Variants in CALCRL observed in about 807,000 individuals in gnomAD.
CALCRL encodes calcitonin receptor like receptor.
A neutral mutation model predicts 60.4 loss-of-function variants in CALCRL; 27 were observed. The ratio of observed to expected loss-of-function variants is 0.45; its 90% CI spans 0.33 to 0.62. The LOEUF (loss-of-function observed/expected upper bound fraction) is 0.62. Among genes scored for constraint, CALCRL ranks in the 20% least tolerant of loss-of-function variants. The probability of loss-of-function intolerance (pLI) is 0.03; values close to 1 mark genes in which losing one functional copy is unlikely to be tolerated. For missense variants in CALCRL, 424 were observed against 540.7 expected (o/e 0.78, Z 2.14); for synonymous variants, 190 against 182.6 (o/e 1.04, Z -0.33).
chr2:187,382,647 T>C (rs1043485824), intron 5 of CALCRL, among the ~76,000 whole-genome samples: 14 of 152,170 alleles, frequency 9.2e-5, no homozygotes, highest in African/African-American at 3.1e-4. Context: ...TCTAGTCAAG[T>C]ATCTGGTGCT....
At chr2:187,383,146 C>A in intron 5 of CALCRL, 27 bp downstream of exon 5, 1 of 1,600,252 alleles carries the variant, frequency 6.2e-7, no homozygotes, top group Non-Finnish European at 8.5e-7. Context: ...ATGTCAAATG[C>A]ATTTACAACT....
At chr2:187,400,464 C>A (rs1688842608) in intron 1 of CALCRL, among the ~76,000 whole-genome samples, 1 of 151,370 alleles carries the variant, frequency 6.6e-6, no homozygotes, top group Admixed American at 6.6e-5. Context: ...CATTGATAAA[C>A]ACCTTAGTAG....
intron 1 of CALCRL, among the ~76,000 whole-genome samples, chr2:187,401,289 T>C (rs906414024): frequency 3.3e-5 from 5 of 151,642 alleles, no homozygotes; most frequent in Non-Finnish European, 7.4e-5. Flanking sequence ...AAGAGACAGA[T>C]GATATTCACA....
intron 1 of CALCRL, among the ~76,000 whole-genome samples, chr2:187,416,357 C>T (rs1382873583): frequency 1.3e-5 from 2 of 151,976 alleles, no homozygotes; most frequent in African/African-American, 4.8e-5. Flanking sequence ...ACAGAGTTAC[C>T]ACGTCATACT....
chr2:187,406,590 C>G (rs1170532825), intron 1 of CALCRL, among the ~76,000 whole-genome samples: 1 of 151,880 alleles, frequency 6.6e-6, no homozygotes, highest in Admixed American at 6.6e-5. Context: ...CTATTTTTAT[C>G]TATGTATATG....
intron 5 of CALCRL, 28 bp downstream of exon 5, chr2:187,383,145 G>A (rs1402055830): frequency 1.9e-6 from 3 of 1,598,006 alleles, no homozygotes; most frequent in Non-Finnish European, 2.6e-6. Flanking sequence ...TATGTCAAAT[G>A]CATTTACAAC....
At chr2:187,399,434 C>T (rs538828072) in intron 1 of CALCRL, among the ~76,000 whole-genome samples, 3 of 151,380 alleles carry the variant, frequency 2.0e-5, no homozygotes, top group Non-Finnish European at 3.0e-5. Context: ...TTTGTCACCT[C>T]GGGTTAGGCA....
intron 8 of CALCRL, among the ~76,000 whole-genome samples, chr2:187,368,360 T>C (rs1687384235): frequency 6.6e-6 from 1 of 152,084 alleles, no homozygotes; most frequent in Non-Finnish European, 1.5e-5. Context: ...TATATTAAAA[T>C]AAGTATGTTT....
At chr2:187,436,705 C>A (rs1442153992) in intron 1 of CALCRL, 1 of 152,178 alleles carries the variant, frequency 6.6e-6, no homozygotes, top group African/African-American at 2.4e-5. Flanking sequence ...CTGACATGCC[C>A]ATTGTCCATG....
In CALCRL at chr2:187,359,209, T is replaced by C. The variant is rs1400219423; in HGVS notation, c.842+3A>G. Reference sequence around the variant, plus strand: ...TAGAAATAATAAAAAGAGATTTTCTTACTTGTCATTGTAATATAAGCTTCT... The same window carrying C: ...TAGAAATAATAAAAAGAGATTTTCTCACTTGTCATTGTAATATAAGCTTCT... On this transcript the variant is annotated splice_donor_region_variant and intron_variant, in intron 11 of 14. Transcript: ENST00000392370. 1 of 1,594,330 alleles carries C rather than the reference T, an allele frequency of 6.3e-7. No individual in the cohort carries two copies. The highest frequency in any genetic ancestry group is 1.1e-5 in the South Asian group (1 of 88,676).
intron 1 of CALCRL, among the ~76,000 whole-genome samples, chr2:187,425,584 G>T (rs1690083199): frequency 6.6e-6 from 1 of 151,898 alleles, no homozygotes. Context: ...AGTCACAAAT[G>T]CATTGTACAA....
chr2:187,371,340 A>G (rs1416702518), intron 8 of CALCRL, among the ~76,000 whole-genome samples: 1 of 152,162 alleles, frequency 6.6e-6, no homozygotes, highest in Non-Finnish European at 1.5e-5. Context: ...TAACAAATTT[A>G]CAATGAATAA....
intron 1 of CALCRL, among the ~76,000 whole-genome samples, chr2:187,409,804 TTTGAGTCCTCATCGACTAGGGAAAGAC>T: frequency 6.6e-6 from 1 of 152,248 alleles, no homozygotes; most frequent in Non-Finnish European, 1.5e-5. Flanking sequence ...ATATCTGAAA[TTTGAGTCCTCATCGACTAGGGAAAGAC>T]TGGAGGTGGG....
At chr2:187,355,722 A>G (rs775896079) in intron 12 of CALCRL, among the ~76,000 whole-genome samples, 19 of 152,186 alleles carry the variant, frequency 1.2e-4, no homozygotes, top group Non-Finnish European at 7.4e-5. Context: ...GTCTGTTTGC[A>G]GATGACATAA....
intron 9 of CALCRL, among the ~76,000 whole-genome samples, chr2:187,361,456 A>G (rs1034255026): frequency 1.3e-5 from 2 of 152,002 alleles, no homozygotes; most frequent in African/African-American, 4.8e-5. Flanking sequence ...AGCTTTCCCA[A>G]AAATACATGA....
At chr2:187,354,532 A>C (rs1686683042) in intron 12 of CALCRL, among the ~76,000 whole-genome samples, 1 of 152,028 alleles carries the variant, frequency 6.6e-6, no homozygotes, top group South Asian at 2.1e-4. Flanking sequence ...TTGTGCAAAA[A>C]CATATGATAA....
intron 1 of CALCRL, among the ~76,000 whole-genome samples, chr2:187,441,648 T>C (rs1026477198): frequency 6.6e-6 from 1 of 152,036 alleles, no homozygotes. Context: ...TAAATATTCT[T>C]TGACAGAAAT....
chr2:187,368,916 A>G (rs191941466), intron 8 of CALCRL, among the ~76,000 whole-genome samples: 2 of 152,298 alleles, frequency 1.3e-5, no homozygotes, highest in African/African-American at 2.4e-5. Context: ...TCTTTTGTCT[A>G]TTCAATGGAA....
intron 8 of CALCRL, among the ~76,000 whole-genome samples, chr2:187,375,165 G>C (rs374806017): frequency 1.3e-5 from 2 of 151,112 alleles, no homozygotes; most frequent in Non-Finnish European, 2.9e-5. Flanking sequence ...CCAGCTACTC[G>C]GGAGGCTGAG....
Sources: gnomAD v4.1 joint callset for allele counts (sites outside exome capture counted in the v4.1 genomes callset) on GRCh38, gnomAD v4.1.1 for gene constraint, MANE v1.5 for transcripts, NCBI Gene and HGNC (gene_info 2026-07-23, HGNC 2026-07-21) for gene names.